Variants in CUL2 observed in about 807,000 individuals in gnomAD.
CUL2 encodes the protein cullin-2.
Under a neutral mutation model 110.2 loss-of-function variants are expected in CUL2, and 22 were observed. That is an observed-to-expected ratio of 0.20 (90% confidence interval 0.14 to 0.28). The LOEUF (loss-of-function observed/expected upper bound fraction) is 0.28, where lower values mean the gene tolerates loss of function less well. Ranked by LOEUF, CUL2 falls within the 10% of genes least tolerant of loss-of-function variation. The probability of loss-of-function intolerance (pLI) is 1.00; values close to 1 mark genes in which losing one functional copy is unlikely to be tolerated. For synonymous variants in CUL2, 279 were observed against 293.2 expected (o/e 0.95, Z 0.49); for missense variants, 631 against 905.5 (o/e 0.70, Z 3.89).
chr10:35,106,338 GAGA>G (rs1260718051), intron 1 of CUL2, among the ~76,000 whole-genome samples: 3 of 141,684 alleles, frequency 2.1e-5, no homozygotes, highest in Non-Finnish European at 4.6e-5. Context: ...TTGTTTGTTT[GAGA>G]AGGAGTCTCA....
Position 35,031,826 on chromosome 10 carries a change from A to T in CUL2, c.1171-207T>A, listed in dbSNP as rs1326757096. On this transcript the variant is annotated intron_variant, in intron 12 of 20. Transcript: ENST00000374749. The surrounding 1 kb of genome is among the most constrained non-coding windows in gnomAD (Gnocchi z 4.4). ...AGCCTCAAACTCCTAGGCTCAAAGG[A>T]TCCTCCTGCCTCAGCCTCCCAAGTA... Among the ~76,000 whole-genome samples, 1 of 152,132 alleles carries T rather than the reference A, an allele frequency of 6.6e-6. No homozygotes were observed. The highest frequency in any genetic ancestry group is 1.5e-5 in the Non-Finnish European group (1 of 68,020).
chr10:35,017,874 TTAA>T (rs1323011286), intron 17 of CUL2, among the ~76,000 whole-genome samples: 8 of 75,168 alleles, frequency 1.1e-4, no homozygotes, highest in Non-Finnish European at 1.4e-4. Context: ...CCATACGTGT[TTAA>T]AAAAAAAAAA....
At chr10:35,036,902 G>A (rs1041286340) in intron 9 of CUL2, among the ~76,000 whole-genome samples, 12 of 152,016 alleles carry the variant, frequency 7.9e-5, no homozygotes, top group African/African-American at 2.9e-4. Flanking sequence ...CCTGGCTAAT[G>A]CTTGTATTTT....
At chr10:35,122,516 A>C (rs1339041593) in intron 1 of CUL2, among the ~76,000 whole-genome samples, 2 of 152,218 alleles carry the variant, frequency 1.3e-5, no homozygotes, top group Non-Finnish European at 2.9e-5. Flanking sequence ...TAATAATTAT[A>C]GTTTACATTT....
At chr10:35,012,579 T>C (rs977536579) in intron 19 of CUL2, among the ~76,000 whole-genome samples, 2 of 152,136 alleles carry the variant, frequency 1.3e-5, no homozygotes, top group African/African-American at 4.8e-5. Context: ...AAGCAAGGCA[T>C]AGAAGCAGAC....
intron 1 of CUL2, among the ~76,000 whole-genome samples, chr10:35,103,314 TTTTTTTTTTTTTTTTTTTA>T (rs1334404597): frequency 9.5e-6 from 1 of 105,164 alleles, no homozygotes; most frequent in South Asian, 3.2e-4. Context: ...GCTAATTTTT[TTTTTTTTTTTTTTTTTTTA>T]TTTTTTTTTG....
Position 35,010,065 on chromosome 10 carries a change from C to A in CUL2, c.*246G>T. ...AGCATGGTACCCAACCGAATTTCCACTTTTCAGCAATACTTCACTCATTCT... is the reference window on the plus strand; with the variant it reads ...AGCATGGTACCCAACCGAATTTCCAATTTTCAGCAATACTTCACTCATTCT... On this transcript the variant is annotated 3_prime_UTR_variant, in exon 21 of 21. Transcript: ENST00000374749. 4.6e-6 allele frequency: 1 copy of A among 218,270 alleles called. No individual in the cohort carries two copies. Among genetic ancestry groups the A allele is most frequent in the South Asian group, 1.8e-4 (1 of 5,692 alleles). The allele number at this position is 218,270 out of a possible 1,614,324, so 13.5% of individuals were successfully genotyped here.
chr10:35,024,826 G>A (rs1403762696), intron 17 of CUL2, among the ~76,000 whole-genome samples: 1 of 152,184 alleles, frequency 6.6e-6, no homozygotes, highest in Non-Finnish European at 1.5e-5. Flanking sequence ...GTTTCTAAGT[G>A]TGTCTGCCCC....
At chr10:35,053,116 T>C (rs2086155945) in intron 5 of CUL2, among the ~76,000 whole-genome samples, 3 of 152,308 alleles carry the variant, frequency 2.0e-5, no homozygotes, top group Middle Eastern at 3.4e-3. Context: ...TGTGTGTTTA[T>C]GTAAATATTT....
At chr10:35,116,441 T>A (rs1254603058) in intron 1 of CUL2, among the ~76,000 whole-genome samples, 1 of 152,196 alleles carries the variant, frequency 6.6e-6, no homozygotes, top group Non-Finnish European at 1.5e-5. Flanking sequence ...AACTTACTCT[T>A]TTTTAGTAAG....
At chr10:35,064,439 G>T (rs962760182) in intron 2 of CUL2, among the ~76,000 whole-genome samples, 4 of 152,112 alleles carry the variant, frequency 2.6e-5, no homozygotes, top group Non-Finnish European at 4.4e-5. Flanking sequence ...TTTTTATACA[G>T]TAAAATTTAT....
intron 17 of CUL2, among the ~76,000 whole-genome samples, chr10:35,021,990 C>T (rs906193994): frequency 9.2e-5 from 14 of 152,026 alleles, no homozygotes; most frequent in South Asian, 4.2e-4. Context: ...AGACTTCCCT[C>T]GCAAGGACCT....
chr10:35,034,528 T>C (rs2085570031), intron 10 of CUL2, among the ~76,000 whole-genome samples: 1 of 152,194 alleles, frequency 6.6e-6, no homozygotes. Flanking sequence ...GGCAAACAGC[T>C]CTACTTAAGA....
chr10:35,119,081 G>A (rs192975692), intron 1 of CUL2, among the ~76,000 whole-genome samples: 54 of 152,262 alleles, frequency 3.5e-4, no homozygotes, highest in African/African-American at 1.1e-3. Flanking sequence ...TGCTCCTTGC[G>A]TGTTCCTTTT....
At chr10:35,119,017 G>A (rs2135144483) in intron 1 of CUL2, among the ~76,000 whole-genome samples, 1 of 152,328 alleles carries the variant, frequency 6.6e-6, no homozygotes, top group South Asian at 2.1e-4. Flanking sequence ...ACTTCCAAAT[G>A]TCTTGGCTGG....
At chr10:35,083,719 G>C (rs1388530815) in intron 1 of CUL2, among the ~76,000 whole-genome samples, 1 of 152,158 alleles carries the variant, frequency 6.6e-6, no homozygotes, top group Non-Finnish European at 1.5e-5. Context: ...TAAACCATAG[G>C]CGGGTCACAG....
At chr10:35,104,452 T>C (rs1455937788) in intron 1 of CUL2, among the ~76,000 whole-genome samples, 3 of 152,106 alleles carry the variant, frequency 2.0e-5, no homozygotes, top group Admixed American at 1.3e-4. Flanking sequence ...ACTCTTCCCA[T>C]TAAGGTTAAC....
At chr10:35,093,069 A>G (rs1009974427), upstream of CUL2, among the ~76,000 whole-genome samples, 16 of 151,980 alleles carry the variant, frequency 1.1e-4, no homozygotes, top group African/African-American at 1.9e-4. Flanking sequence ...AACTGGTCCT[A>G]TGGCCCCACC....
At chr10:35,096,414 G>A (rs2135097845) in intron 2 of CUL2, among the ~76,000 whole-genome samples, 1 of 152,136 alleles carries the variant, frequency 6.6e-6, no homozygotes, top group East Asian at 1.9e-4. Context: ...AGACCAGCCT[G>A]GGCAACAGAG....
Sources: gnomAD v4.1 joint callset for allele counts (sites outside exome capture counted in the v4.1 genomes callset) on GRCh38, gnomAD v4.1.1 for gene constraint, Gnocchi (gnomAD v3.1) non-coding constraint, MANE v1.5 for transcripts, NCBI Gene and HGNC (gene_info 2026-07-23, HGNC 2026-07-21) for gene names.